The following EP400 variants were observed in gnomAD, a reference collection of about 807,000 sequenced individuals.
EP400 encodes the protein E1A-binding protein p400.
In EP400, 105 loss-of-function variants were observed where a neutral mutation model predicts 354.1. The ratio of observed to expected loss-of-function variants is 0.30; its 90% confidence interval spans 0.25 to 0.35. The LOEUF (loss-of-function observed/expected upper bound fraction) is 0.35. Ranked by LOEUF, EP400 falls within the 10% of genes least tolerant of loss-of-function variation. The pLI, the probability that EP400 is intolerant of heterozygous loss-of-function variation, is 1.00. For missense variants in EP400, 3,280 were observed against 4,121.0 expected (o/e 0.80, Z 5.59); for synonymous variants, 1,646 against 1,716.9 (o/e 0.96, Z 1.02).
At position 132,018,700 on chromosome 12, in the gene EP400, C is replaced by T. The variant is rs1039396984; in HGVS notation, c.4277+324C>T. ...TGGTGTGGCCGAACCACACATGTGTCGTGAGTGTGGCAGGCAGAGGACTCC... is the reference window on the plus strand; with the variant it reads ...TGGTGTGGCCGAACCACACATGTGTTGTGAGTGTGGCAGGCAGAGGACTCC... On this transcript the variant is annotated intron_variant, in intron 21 of 52. Transcript: ENST00000389561. This position sits in a 1 kb window ranked among gnomAD's most constrained non-coding sequence, Gnocchi z 4.0. Among the ~76,000 whole-genome samples, 8 of 152,132 alleles carry T rather than the reference C, an allele frequency of 5.3e-5. No individual in the cohort carries two copies. The highest frequency in any genetic ancestry group is 1.7e-4 in the African/African-American group (7 of 41,426).
At chr12:132,005,748 C>T (rs938457261) in intron 13 of EP400, among the ~76,000 whole-genome samples, 1 of 151,930 alleles carries the variant, frequency 6.6e-6, no homozygotes, top group African/African-American at 2.4e-5. Flanking sequence ...GGAAAGGGTT[C>T]TGCTTTTTTC....
At chr12:132,036,423 C>T (rs1404697778) in intron 30 of EP400, among the ~76,000 whole-genome samples, 2 of 152,094 alleles carry the variant, frequency 1.3e-5, no homozygotes, top group South Asian at 2.1e-4. Context: ...CACCCAGGTT[C>T]ACATGGAGCA....
At chr12:132,023,327 T>C (rs1054741992) in intron 23 of EP400, among the ~76,000 whole-genome samples, 1 of 143,278 alleles carries the variant, frequency 7.0e-6, no homozygotes, top group African/African-American at 2.6e-5. Context: ...TTTTTTTTTT[T>C]GCATTTCTAG....
At position 132,025,856 on chromosome 12, in the gene EP400, C is replaced by G. The variant is rs572732954; in HGVS notation, c.5014+52C>G. 4 of 1,506,038 alleles carry G rather than the reference C, an allele frequency of 2.7e-6. No homozygotes were observed. In the African/African-American group the frequency reaches 5.5e-5, roughly 21 times the overall value. The allele number at this position is 1,506,038 out of a possible 1,614,324, so 93.3% of individuals were successfully genotyped here. A position where few individuals can be genotyped will look rare whatever the true frequency, so the allele number is the denominator to read the frequency against. ...CTTGGCTTGGATGCTTCTTTCTCTT[C>G]CATCTAAGGCGAGTGGAAAGCATTC... On this transcript the variant is annotated intron_variant, in intron 25 of 52. Transcript: ENST00000389561. The surrounding 1 kb of genome is among the most constrained non-coding windows in gnomAD (Gnocchi z 4.1).
chr12:132,025,819 G>T lies in EP400; in HGVS notation c.5014+15G>T. On this transcript the variant is annotated intron_variant, in intron 25 of 52. Coordinates refer to ENST00000389561, the MANE Select transcript of EP400 (RefSeq NM_015409.5). The surrounding 1 kb of genome is among the most constrained non-coding windows in gnomAD (Gnocchi z 4.1). ...GACCCCACAAGGTAGGGTGCTCTGA[G>T]CAGGAGGGAGACTTGGCTTGGATGC... is the stretch of plus-strand genomic sequence containing the variant. The T allele has an allele frequency of 1.3e-6, 2 of 1,567,542 alleles. No individual in the cohort carries two copies. The highest frequency in any genetic ancestry group is 1.7e-6 in the Non-Finnish European group (2 of 1,159,192).
chr12:131,998,220 GTTC>G (rs1237782701), intron 12 of EP400, among the ~76,000 whole-genome samples: 1 of 152,192 alleles, frequency 6.6e-6, no homozygotes, highest in African/African-American at 2.4e-5. Flanking sequence ...GGTTAGGTAA[GTTC>G]TTCTGCCTTG....
chr12:132,053,687 T>G lies in EP400; in HGVS notation c.7728+90T>G. On this transcript the variant is annotated intron_variant, in intron 43 of 52. Coordinates refer to ENST00000389561, the MANE Select transcript of EP400 (RefSeq NM_015409.5). Reference sequence around the variant, plus strand: ...AAGTGCTTTCTGTTGAAACGAAGACTTGTTGCCAGTTCTAGCACATTTCCA... The same window carrying G: ...AAGTGCTTTCTGTTGAAACGAAGACGTGTTGCCAGTTCTAGCACATTTCCA... The G allele has an allele frequency of 2.2e-6, 3 of 1,355,036 alleles. No homozygotes were observed. The South Asian group carries it at 4.8e-5, about 22-fold the overall frequency. 83.9% of individuals were successfully genotyped at this position (1,355,036 alleles called of 1,614,324 possible).
intron 15 of EP400, among the ~76,000 whole-genome samples, chr12:132,010,522 G>A (rs1893730781): frequency 6.6e-6 from 1 of 152,220 alleles, no homozygotes; most frequent in Admixed American, 6.5e-5. Flanking sequence ...AGCAGTAATG[G>A]CCATAGATGG....
rs758266745 is a variant in EP400 at position 132,043,435 on chromosome 12, A to C, written c.6339A>C (p.Leu2113Phe). 5.3e-5 allele frequency: 85 copies of C among 1,613,134 alleles called. No homozygotes were observed. In the South Asian group the frequency reaches 9.1e-4, roughly 17 times the overall value. ...NMPCDEEPSQLEELADFMEQL... is the reference protein window; with the variant it reads ...NMPCDEEPSQFEELADFMEQL... ...CGTGTGATGAAGAACCATCCCAATT[A>C]GAGGAGCTAGCTGACTTCATGGAGC... is the stretch of plus-strand genomic sequence containing the variant. Residue 2113 changes from leucine to phenylalanine, a missense_variant, in exon 33 of 53, where the codon TTA (leucine) becomes TTC (phenylalanine). Physicochemically the swap from Leu to Phe is conservative, Grantham distance 22. Around this residue, in one of 20 missense-constraint regions of EP400, gnomAD observed 54 missense variants for 41.3 expected, o/e 1.31. Coordinates refer to ENST00000389561, the MANE Select transcript of EP400 (RefSeq NM_015409.5).
At chr12:131,955,573 T>G (rs1416030011) in intron 1 of EP400, among the ~76,000 whole-genome samples, 1 of 149,900 alleles carries the variant, frequency 6.7e-6, no homozygotes, top group Non-Finnish European at 1.5e-5. Context: ...TGAGCCAGCG[T>G]GCTCATCCAA....
intron 2 of EP400, among the ~76,000 whole-genome samples, chr12:131,979,392 C>T (rs1285095637): frequency 2.0e-5 from 3 of 152,062 alleles, no homozygotes; most frequent in African/African-American, 7.2e-5. Context: ...ACTCATGTTT[C>T]CCAGCATTAG....
At chr12:132,005,655 T>C (rs1487726378) in intron 13 of EP400, among the ~76,000 whole-genome samples, 1 of 151,836 alleles carries the variant, frequency 6.6e-6, no homozygotes, top group African/African-American at 2.4e-5. Flanking sequence ...CTTGGGGAGG[T>C]CAGGCCTTAC....
chr12:131,992,064 C>T, intron 10 of EP400, 109 bp from the exon 11 acceptor site: 2 of 1,165,428 alleles, frequency 1.7e-6, no homozygotes, highest in Non-Finnish European at 2.5e-6. Flanking sequence ...GGCAGCCTAG[C>T]AGGCTTGCCC....
chr12:132,024,964 G>A (rs930828718), intron 24 of EP400, among the ~76,000 whole-genome samples: 6 of 152,068 alleles, frequency 3.9e-5, no homozygotes, highest in Admixed American at 2.6e-4. Context: ...CATCAGTAGG[G>A]TGAGCCCACT....
intron 33 of EP400, 51 bp downstream of exon 33, chr12:132,043,513 C>G: frequency 1.5e-5 from 24 of 1,596,340 alleles, no homozygotes; most frequent in Non-Finnish European, 2.0e-5. Flanking sequence ...TTTGACGCTT[C>G]TATAAAATAT....
chr12:132,000,650 A>G (rs995878441), intron 12 of EP400, among the ~76,000 whole-genome samples: 21 of 152,222 alleles, frequency 1.4e-4, no homozygotes, highest in African/African-American at 5.1e-4. Context: ...ATGTGCATAT[A>G]TAGGTTTAGA....
intron 7 of EP400, 127 bp from the exon 8 acceptor site, chr12:131,989,837 C>T (rs1394490960): frequency 2.9e-5 from 31 of 1,054,622 alleles, no homozygotes; most frequent in African/African-American, 1.3e-4. Context: ...TAAGAGCATA[C>T]GAGGATGTAT....
chr12:132,069,273 C>T (rs2136617539), intron 50 of EP400: 1 of 572,994 alleles, frequency 1.7e-6, no homozygotes, highest in African/African-American at 1.9e-5. Context: ...GCCAGGCCTC[C>T]TGGAGGAGAA....
chr12:131,963,399 A>C, intron 2 of EP400: 1 of 660,132 alleles, frequency 1.5e-6, no homozygotes, highest in Non-Finnish European at 2.7e-6. Context: ...GTATCCTTTC[A>C]CAGGAATTGA....
Sources: gnomAD v4.1 joint callset for allele counts (sites outside exome capture counted in the v4.1 genomes callset) on GRCh38, gnomAD v4.1.1 for gene constraint, gnomAD v4.1.1 regional missense constraint, Gnocchi (gnomAD v3.1) non-coding constraint, MANE v1.5 for transcripts, NCBI Gene and HGNC (gene_info 2026-07-23, HGNC 2026-07-21) for gene names.